Variants in SYN3 observed in about 807,000 individuals in gnomAD.
The protein encoded by SYN3 is synapsin-3.
SYN3 carries 35 observed loss-of-function variants against 65.8 expected under a neutral mutation model. The ratio of observed to expected loss-of-function variants is 0.53; its 90% CI spans 0.41 to 0.70. The LOEUF (loss-of-function observed/expected upper bound fraction) is 0.70, where lower values mean the gene tolerates loss of function less well. SYN3 is among the 30% of genes least tolerant of loss of function. The pLI is 0.00. For missense variants in SYN3, 680 were observed against 749.0 expected, an observed-to-expected ratio of 0.91 and a Z score of 1.08; for synonymous variants, 270 against 292.9, an observed-to-expected ratio of 0.92 and a Z score of 0.80.
intron 6 of SYN3, among the ~76,000 whole-genome samples, chr22:32,834,323 A>T (rs1033530161): frequency 2.2e-4 from 31 of 143,508 alleles, no homozygotes; most frequent in South Asian, 7.0e-4. Flanking sequence ...TGGCTAATTT[A>T]TTTTTTTTTT....
chr22:33,043,059 A>C (rs1409806529), intron 1 of SYN3, among the ~76,000 whole-genome samples: 1 of 152,236 alleles, frequency 6.6e-6, no homozygotes, highest in African/African-American at 2.4e-5. Context: ...GACTAACATC[A>C]AAAAGAAAAA....
At chr22:32,611,457 C>G (rs189199866) in intron 6 of SYN3, among the ~76,000 whole-genome samples, 1 of 152,028 alleles carries the variant, frequency 6.6e-6, no homozygotes, top group East Asian at 1.9e-4. Context: ...CCATGCCTGG[C>G]TAATTTTTGT....
intron 3 of SYN3, among the ~76,000 whole-genome samples, chr22:32,972,035 G>A (rs1467968860): frequency 6.6e-6 from 1 of 152,156 alleles, no homozygotes; most frequent in East Asian, 1.9e-4. Context: ...CACCAGGAAG[G>A]AGATGTGACC....
intron 12 of SYN3, 159 bp downstream of exon 12, chr22:32,527,759 T>G (rs1236923623): frequency 4.9e-6 from 3 of 609,968 alleles, no homozygotes; most frequent in African/African-American, 3.7e-5. Flanking sequence ...TCTTGACTTT[T>G]TAAAGAGTTT....
intron 7 of SYN3, among the ~76,000 whole-genome samples, chr22:32,571,366 C>T (rs2058756461): frequency 6.6e-6 from 1 of 152,164 alleles, no homozygotes; most frequent in South Asian, 2.1e-4. Flanking sequence ...CCTCACTCTA[C>T]CCATTCCAGG....
intron 1 of SYN3, among the ~76,000 whole-genome samples, chr22:33,045,459 CTTTTTTTTTTTTTTT>C (rs745442160): frequency 2.4e-5 from 2 of 84,696 alleles, no homozygotes; most frequent in African/African-American, 4.4e-5. Flanking sequence ...GCTCTACTTT[CTTTTTTTTTTTTTTT>C]TTTTTTTTTT....
At chr22:32,978,315 G>A (rs1430383279) in intron 3 of SYN3, among the ~76,000 whole-genome samples, 5 of 152,080 alleles carry the variant, frequency 3.3e-5, no homozygotes, top group Admixed American at 3.3e-4. Flanking sequence ...TACAGGGAGA[G>A]GGGCACATCC....
intron 12 of SYN3, among the ~76,000 whole-genome samples, chr22:32,526,665 A>G (rs1199519091): frequency 1.3e-5 from 2 of 151,908 alleles, no homozygotes; most frequent in African/African-American, 2.4e-5. Context: ...ACAGGTGCAC[A>G]CCACCACCAC....
In SYN3 at chr22:32,513,511, T is replaced by C. The variant is rs2057718829; in HGVS notation, c.*181A>G. 2.5e-6 allele frequency: 2 copies of C among 799,902 alleles called. No homozygotes were observed. Among genetic ancestry groups the C allele is most frequent in the Non-Finnish European group, 3.7e-6 (2 of 534,360 alleles). The allele number at this position is 799,902 out of a possible 1,614,324, so 49.6% of individuals were successfully genotyped here. A position where few individuals can be genotyped will look rare whatever the true frequency, so the allele number is the denominator to read the frequency against. On this transcript the variant is annotated 3_prime_UTR_variant, in exon 14 of 14. Coordinates refer to ENST00000358763, the MANE Select transcript of SYN3 (RefSeq NM_003490.4). The stretch of plus-strand genomic sequence containing the variant: ...ACCTCACAGTCAGACAATGCTGGAA[T>C]GTCACGGTGAAGGAAAATGGGAACA...
chr22:32,959,478 G>A (rs947060383), intron 3 of SYN3, among the ~76,000 whole-genome samples: 3 of 151,954 alleles, frequency 2.0e-5, no homozygotes, highest in Admixed American at 2.0e-4. Context: ...TTGAACCCAG[G>A]AGGCAGAGGT....
chr22:32,977,419 C>A (rs1257566834), intron 3 of SYN3, among the ~76,000 whole-genome samples: 1 of 152,084 alleles, frequency 6.6e-6, no homozygotes, highest in Non-Finnish European at 1.5e-5. Flanking sequence ...CAAGTATCTA[C>A]CAGATGGTTT....
chr22:32,591,450 C>T (rs1401630712), intron 7 of SYN3, among the ~76,000 whole-genome samples: 1 of 152,146 alleles, frequency 6.6e-6, no homozygotes, highest in Non-Finnish European at 1.5e-5. Flanking sequence ...CTTTTCCGTT[C>T]TTGTACCCCA....
intron 4 of SYN3, among the ~76,000 whole-genome samples, chr22:32,873,103 C>T (rs1028744725): frequency 1.3e-5 from 2 of 151,874 alleles, no homozygotes; most frequent in Non-Finnish European, 2.9e-5. Flanking sequence ...GGCACGTGCC[C>T]CTGCACCCGG....
chr22:32,706,465 A>T (rs539676761), intron 6 of SYN3, among the ~76,000 whole-genome samples: 1 of 152,364 alleles, frequency 6.6e-6, no homozygotes, highest in African/African-American at 2.4e-5. Flanking sequence ...CGCAACAAAA[A>T]TATATTTGAA....
intron 6 of SYN3, among the ~76,000 whole-genome samples, chr22:32,621,957 T>C (rs2059601245): frequency 6.6e-6 from 1 of 151,814 alleles, no homozygotes; most frequent in Non-Finnish European, 1.5e-5. Context: ...CTGAGGATGG[T>C]GACAGATAGG....
At chr22:32,631,309 C>CA (rs10606436) in intron 6 of SYN3, among the ~76,000 whole-genome samples, 69 of 133,864 alleles carry the variant, frequency 5.2e-4, no homozygotes, top group Middle Eastern at 3.8e-3. Context: ...ACGAAACAAG[C>CA]AAAAAAAAAA....
chr22:32,866,942 C>G (rs2048702457), intron 5 of SYN3, among the ~76,000 whole-genome samples: 1 of 152,170 alleles, frequency 6.6e-6, no homozygotes, highest in African/African-American at 2.4e-5. Context: ...TTTGTGCCAG[C>G]CACATTCTAA....
At chr22:32,944,475 C>T (rs1288254804) in intron 3 of SYN3, among the ~76,000 whole-genome samples, 1 of 152,110 alleles carries the variant, frequency 6.6e-6, no homozygotes, top group Non-Finnish European at 1.5e-5. Context: ...CAGAAAAGGC[C>T]TTTGACAAAA....
At chr22:32,853,318 G>A (rs1015055831) in intron 6 of SYN3, among the ~76,000 whole-genome samples, 4 of 152,170 alleles carry the variant, frequency 2.6e-5, no homozygotes, top group African/African-American at 9.7e-5. Flanking sequence ...TGATAGCTCG[G>A]TCGGTCTGTA....
Sources: allele counts gnomAD v4.1 joint callset (sites outside exome capture counted in the v4.1 genomes callset), GRCh38; gene constraint gnomAD v4.1.1; transcripts MANE v1.5; gene names NCBI Gene and HGNC (gene_info 2026-07-23, HGNC 2026-07-21).